NRG2: variants seen among roughly 807,000 people sequenced by gnomAD.
The protein encoded by NRG2 is pro-neuregulin-2, membrane-bound isoform.
Under a neutral mutation model 73.9 loss-of-function variants are expected in NRG2, and 27 were observed. That is an observed-to-expected ratio of 0.37 (90% CI 0.27 to 0.50). The LOEUF (loss-of-function observed/expected upper bound fraction) is 0.50, where lower values mean the gene tolerates loss of function less well. Ranked by LOEUF, NRG2 falls within the 20% of genes least tolerant of loss-of-function variation. The pLI is 0.96. For missense variants in NRG2, 1,126 were observed against 1,210.1 expected, an observed-to-expected ratio of 0.93 and a Z score of 1.03; for synonymous variants, 532 against 541.0, an observed-to-expected ratio of 0.98 and a Z score of 0.23.
intron 1 of NRG2, among the ~76,000 whole-genome samples, chr5:139,956,142 C>A (rs908578750): frequency 5.3e-5 from 8 of 152,128 alleles, no homozygotes; most frequent in Admixed American, 3.3e-4. Context: ...GTCAGCAACT[C>A]CCCCACCCCA....
chr5:140,013,065 G>A lies in NRG2; in HGVS notation c.700+29305C>T, dbSNP rs1033375212. Reference sequence around the variant, plus strand: ...CACACCCTCTTTCTCCTCAAACTTCGAACATCTCCTCCCTCATACTCTCAG... The same window carrying A: ...CACACCCTCTTTCTCCTCAAACTTCAAACATCTCCTCCCTCATACTCTCAG... On this transcript the variant is annotated intron_variant, in intron 1 of 9. Coordinates refer to ENST00000361474, the MANE Select transcript of NRG2 (RefSeq NM_004883.3). 6.6e-5 allele frequency among the ~76,000 whole-genome samples: 10 copies of A among 152,090 alleles called. 1 individual carries two copies. In the East Asian group the frequency reaches 9.7e-4, roughly 15 times the overall value.
rs114953870 is a variant in NRG2, at chr5:140,038,106, G to A, written c.700+4264C>T. Among the ~76,000 whole-genome samples the A allele has an allele frequency of 8.9e-3, 1,348 of 151,914 alleles. 24 individuals are homozygous for A. Among genetic ancestry groups the A allele is most frequent in the African/African-American group, 0.031 (1,288 of 41,452 alleles). Reference sequence around the variant, plus strand: ...TTTTGAGCCATATAAATGTGCTACAGCTCCAAAAATATAAATATAATTTTA... The same window carrying A: ...TTTTGAGCCATATAAATGTGCTACAACTCCAAAAATATAAATATAATTTTA... On this transcript the variant is annotated intron_variant, in intron 1 of 9. Coordinates refer to ENST00000361474, the MANE Select transcript of NRG2 (RefSeq NM_004883.3).
At chr5:139,968,145 C>T (rs1482545515) in intron 1 of NRG2, among the ~76,000 whole-genome samples, 1 of 152,144 alleles carries the variant, frequency 6.6e-6, no homozygotes, top group African/African-American at 2.4e-5. Context: ...CAGCTCAAGT[C>T]AGGCCTTCCC....
At chr5:139,922,057 C>A (rs1396697168) in intron 1 of NRG2, among the ~76,000 whole-genome samples, 3 of 132,646 alleles carry the variant, frequency 2.3e-5, no homozygotes, top group East Asian at 2.2e-4. Flanking sequence ...GGTGACAGAG[C>A]GAGATTCTGT....
chr5:139,848,396 C>T lies in NRG2; in HGVS notation c.2074G>A (p.Ala692Thr). The change falls in exon 10 of 10, where the codon GCG (alanine) becomes ACG (threonine). Residue 692 changes from alanine (A) to threonine (T), a missense_variant. By Grantham distance (58) the Ala-to-Thr change is moderately conservative. Around this residue, in one of 3 missense-constraint regions of NRG2, gnomAD observed 402 missense variants for 357.8 expected, o/e 1.12. Transcript: ENST00000361474. ...AGPGPRRGTC[A>T]LGGSLGSLPA... ...AGGCTGCCCAGGCTGCCGCCGAGCG[C>T]GCAGGTCCCGCGCCGCGGTCCGGGC... 1 of 1,259,644 alleles carries T rather than the reference C, an allele frequency of 7.9e-7. No individual in the cohort carries two copies. Among genetic ancestry groups the T allele is most frequent in the East Asian group, 3.3e-5 (1 of 30,620 alleles). 78.0% of individuals were successfully genotyped at this position (1,259,644 alleles called of 1,614,324 possible). A position where few individuals can be genotyped will look rare whatever the true frequency, so the allele number is the denominator to read the frequency against.
At chr5:140,002,441 G>A (rs982080502) in intron 1 of NRG2, among the ~76,000 whole-genome samples, 7 of 152,164 alleles carry the variant, frequency 4.6e-5, no homozygotes, top group Non-Finnish European at 1.5e-5. Flanking sequence ...GAATTTGAAG[G>A]GGTGAAAGAA....
At chr5:139,909,010 A>G (rs1293044115) in intron 1 of NRG2, among the ~76,000 whole-genome samples, 1 of 152,198 alleles carries the variant, frequency 6.6e-6, no homozygotes, top group African/African-American at 2.4e-5. Context: ...TCCTCTTACC[A>G]CAGGTTGTGC....
At chr5:139,979,287 C>G (rs1369616638) in intron 1 of NRG2, among the ~76,000 whole-genome samples, 1 of 152,180 alleles carries the variant, frequency 6.6e-6, no homozygotes, top group Non-Finnish European at 1.5e-5. Context: ...CGCCTACGTT[C>G]AAATTCTAAA....
In NRG2 at chr5:139,852,201, G is replaced by A. The variant is rs867724815; in HGVS notation, c.1544+231C>T. ...ATGTGAGGGCCCTGACTATTTCCTGGTGCTCCCGAGGGAAGAAGGGAGCCA... is the reference window on the plus strand; with the variant it reads ...ATGTGAGGGCCCTGACTATTTCCTGATGCTCCCGAGGGAAGAAGGGAGCCA... On this transcript the variant is annotated intron_variant, in intron 8 of 9. Coordinates refer to ENST00000361474, the MANE Select transcript of NRG2 (RefSeq NM_004883.3). The surrounding 1 kb of genome is among the most constrained non-coding windows in gnomAD (Gnocchi z 4.4). Among the ~76,000 whole-genome samples the A allele has an allele frequency of 6.6e-5, 10 of 152,158 alleles. No individual in the cohort carries two copies. The highest frequency in any genetic ancestry group is 4.1e-4 in the South Asian group (2 of 4,836).
At chr5:139,999,000 C>T (rs1423654077) in intron 1 of NRG2, among the ~76,000 whole-genome samples, 1 of 152,150 alleles carries the variant, frequency 6.6e-6, no homozygotes, top group Non-Finnish European at 1.5e-5. Context: ...AGATCCACTT[C>T]CTGCTTGAAA....
At chr5:140,014,010 T>C (rs769890451) in intron 1 of NRG2, among the ~76,000 whole-genome samples, 1 of 152,206 alleles carries the variant, frequency 6.6e-6, no homozygotes, top group Non-Finnish European at 1.5e-5. Context: ...GCTCTACCTA[T>C]GTTCATTCCT....
chr5:139,960,479 G>C (rs13155407), intron 1 of NRG2, among the ~76,000 whole-genome samples: 30,411 of 152,102 alleles, frequency 0.2, 3,653 homozygotes, highest in African/African-American at 0.34. Context: ...TGCGCCACTG[G>C]ACTCCAGCCT....
At chr5:140,010,379 C>T (rs1240440057) in intron 1 of NRG2, among the ~76,000 whole-genome samples, 1 of 152,112 alleles carries the variant, frequency 6.6e-6, no homozygotes, top group African/African-American at 2.4e-5. Context: ...GAATGTACAA[C>T]ACTGAGAGTG....
At chr5:140,029,820 T>C (rs1760998558) in intron 1 of NRG2, among the ~76,000 whole-genome samples, 1 of 151,912 alleles carries the variant, frequency 6.6e-6, no homozygotes, top group South Asian at 2.1e-4. Context: ...CTCTACAAAG[T>C]GGTCAAAAGA....
intron 1 of NRG2, among the ~76,000 whole-genome samples, chr5:139,965,659 C>G (rs2126514765): frequency 6.6e-6 from 1 of 152,350 alleles, no homozygotes; most frequent in Middle Eastern, 3.4e-3. Context: ...TTCCTATGAG[C>G]AGCAAAGCAC....
chr5:139,930,296 T>C (rs1752376461), intron 1 of NRG2, among the ~76,000 whole-genome samples: 1 of 152,252 alleles, frequency 6.6e-6, no homozygotes, highest in Admixed American at 6.5e-5. Context: ...AGTCTGCAGA[T>C]GCTGGAGTAA....
At chr5:139,920,632 T>C (rs190420768) in intron 1 of NRG2, among the ~76,000 whole-genome samples, 5 of 152,244 alleles carry the variant, frequency 3.3e-5, no homozygotes, top group African/African-American at 9.6e-5. Flanking sequence ...CCCAGACTCA[T>C]AGAGTCAGAG....
chr5:139,917,482 G>C lies in NRG2; in HGVS notation c.701-29971C>G, dbSNP rs552834890. Among the ~76,000 whole-genome samples, 3 of 152,140 alleles carry C rather than the reference G, an allele frequency of 2.0e-5. No homozygotes were observed. The South Asian group carries it at 6.2e-4, about 32-fold the overall frequency. ...GCTCAGGCTGGTCTAGAACTCCTGG[G>C]CTCTAGTAATCTGCCCACCTCAGCC... On this transcript the variant is annotated intron_variant, in intron 1 of 9. Coordinates refer to ENST00000361474, the MANE Select transcript of NRG2 (RefSeq NM_004883.3).
intron 1 of NRG2, among the ~76,000 whole-genome samples, chr5:139,907,688 C>T (rs1047727611): frequency 1.3e-5 from 2 of 152,142 alleles, no homozygotes. Context: ...GAGCACTCTC[C>T]CTGGACTGGA....
Sources: gnomAD v4.1 joint callset for allele counts (sites outside exome capture counted in the v4.1 genomes callset) on GRCh38, gnomAD v4.1.1 for gene constraint, gnomAD v4.1.1 regional missense constraint, Gnocchi (gnomAD v3.1) non-coding constraint, MANE v1.5 for transcripts, NCBI Gene and HGNC (gene_info 2026-07-23, HGNC 2026-07-21) for gene names.